The following MID1 variants were observed in gnomAD, a reference collection of about 807,000 sequenced individuals.
The protein encoded by MID1 is E3 ubiquitin-protein ligase Midline-1.
In MID1, 7 loss-of-function variants were observed where a neutral mutation model predicts 40.4. The ratio of observed to expected loss-of-function variants is 0.17; its 90% CI spans 0.10 to 0.33. The LOEUF (loss-of-function observed/expected upper bound fraction) is 0.33. Among genes scored for constraint, MID1 ranks in the 10% least tolerant of loss-of-function variants. The pLI is 1.00. For missense variants in MID1, 367 were observed against 558.5 expected (o/e 0.66, Z 3.46); for synonymous variants, 229 against 221.2 (o/e 1.04, Z -0.31).
chrX:10,825,240 A>T (rs145492464), intron 1 of MID1, among the ~76,000 whole-genome samples: 1,817 of 111,706 alleles, frequency 0.016, 43 homozygotes, highest in African/African-American at 0.056. Flanking sequence ...ATAATGCAAC[A>T]CCTGCACAAA....
At chrX:10,537,708 C>A (rs1569092433) in intron 2 of MID1, among the ~76,000 whole-genome samples, 4 of 112,220 alleles carry the variant, frequency 3.6e-5, no homozygotes, top group Non-Finnish European at 7.5e-5. Context: ...CATGTTCTAT[C>A]CAAACAATTA....
chrX:10,795,439 T>C (rs192071338), intron 1 of MID1, among the ~76,000 whole-genome samples: 147 of 112,212 alleles, frequency 1.3e-3, no homozygotes, highest in African/African-American at 4.4e-3. Context: ...AAGGCCAGGA[T>C]TGCTCTTATA....
At chrX:10,666,830 TTC>T (rs2042954106) in intron 1 of MID1, among the ~76,000 whole-genome samples, 1 of 111,762 alleles carries the variant, frequency 8.9e-6, no homozygotes, top group Non-Finnish European at 1.9e-5. Context: ...TGGCCACCTG[TTC>T]TCTGTTTCCA....
At chrX:10,467,427 T>G (rs1167418623) in intron 7 of MID1, among the ~76,000 whole-genome samples, 1 of 112,047 alleles carries the variant, frequency 8.9e-6, no homozygotes, top group Non-Finnish European at 1.9e-5. Flanking sequence ...ACTTCAAATA[T>G]CTGAGGACAC....
intron 4 of MID1, among the ~76,000 whole-genome samples, chrX:10,488,736 G>A (rs370769519): frequency 5.4e-5 from 6 of 110,577 alleles, no homozygotes; most frequent in Non-Finnish European, 1.1e-4. Context: ...TAATTGGGTG[G>A]GCACCATCTA....
At chrX:10,706,815 A>T (rs909400926) in intron 1 of MID1, among the ~76,000 whole-genome samples, 4 of 111,827 alleles carry the variant, frequency 3.6e-5, no homozygotes, top group Non-Finnish European at 7.5e-5. Flanking sequence ...CGTTCCTGAA[A>T]CTATCTCTAG....
At chrX:10,819,562 C>A (rs758554770) in intron 1 of MID1, among the ~76,000 whole-genome samples, 1 of 111,610 alleles carries the variant, frequency 9.0e-6, no homozygotes, top group East Asian at 2.8e-4. Flanking sequence ...ATTCAATAGT[C>A]AGGACCCAGA....
At chrX:10,621,703 C>T (rs933738946), upstream of MID1, among the ~76,000 whole-genome samples, 5 of 109,637 alleles carry the variant, frequency 4.6e-5, no homozygotes, top group South Asian at 4.1e-4. Context: ...TTTGGTGGTC[C>T]GATAACTGGG....
At chrX:10,487,111 T>C (rs958014293) in intron 4 of MID1, among the ~76,000 whole-genome samples, 3 of 111,945 alleles carry the variant, frequency 2.7e-5, no homozygotes, top group Non-Finnish European at 3.8e-5. Flanking sequence ...CCTCTCGCCT[T>C]GGCCTCCCAA....
intron 1 of MID1, among the ~76,000 whole-genome samples, chrX:10,782,310 T>G (rs2043852997): frequency 8.9e-6 from 1 of 111,940 alleles, no homozygotes; most frequent in East Asian, 2.8e-4. Context: ...CTGCCGCCCT[T>G]AGTTCCTCCT....
rs969915725 is a variant in MID1, at chrX:10,465,206, T to C, written c.1285+4491A>G. Reference sequence around the variant, plus strand: ...GAAATTTTATATATATATATATATATATATATATACACACACACACACACA... The same window carrying C: ...GAAATTTTATATATATATATATATACATATATATACACACACACACACACA... On this transcript the variant is annotated intron_variant, in intron 7 of 9. Transcript: ENST00000317552. 2.8e-3 allele frequency among the ~76,000 whole-genome samples: 191 copies of C among 68,677 alleles called. 3 individuals are homozygous for C. The highest frequency in any genetic ancestry group is 0.013 in the African/African-American group (175 of 13,923). The allele number at this position is 68,677 out of a possible 115,157, so 59.6% of individuals were successfully genotyped here. A position where few individuals can be genotyped will look rare whatever the true frequency, so the allele number is the denominator to read the frequency against.
intron 2 of MID1, among the ~76,000 whole-genome samples, chrX:10,533,376 GAAAA>G (rs1199629629): frequency 1.1e-3 from 35 of 32,241 alleles, no homozygotes; most frequent in African/African-American, 1.9e-3. Context: ...AAGAAAGAAA[GAAAA>G]AGAAAGAAAG....
In MID1 at chrX:10,455,080, G is replaced by T. The variant is rs1569268127; in HGVS notation, c.1448-3C>A. 8.4e-7 allele frequency: 1 copy of T among 1,194,878 alleles called. No homozygotes were observed. Among genetic ancestry groups the T allele is most frequent in the Non-Finnish European group, 1.1e-6 (1 of 880,364 alleles). ...GGGATCCAGTTTAAATGGTTGGCCT[G>T]AAAACAAATTCACAAAACAGAAAAA... is the stretch of plus-strand genomic sequence containing the variant. On this transcript the variant is annotated splice_region_variant and splice_polypyrimidine_tract_variant and intron_variant, in intron 8 of 9. Transcript: ENST00000317552.
chrX:10,738,145 T>C lies in MID1; in HGVS notation c.-187+95409A>G, dbSNP rs374602917. Among the ~76,000 whole-genome samples, 4 of 112,092 alleles carry C rather than the reference T, an allele frequency of 3.6e-5. No individual in the cohort carries two copies. In the South Asian group the frequency reaches 1.5e-3, roughly 42 times the overall value. On this transcript the variant is annotated intron_variant, in intron 1 of 10. Coordinates refer to the MID1 transcript ENST00000380785. Reference sequence around the variant, plus strand: ...GCGGTCATCCCCCTAATCACCTGGCTGCCTTTCTGATCTCTGCACAAGGGC... The same window carrying C: ...GCGGTCATCCCCCTAATCACCTGGCCGCCTTTCTGATCTCTGCACAAGGGC...
intron 1 of MID1, among the ~76,000 whole-genome samples, chrX:10,811,638 C>T (rs2044102609): frequency 9.0e-6 from 1 of 111,521 alleles, no homozygotes; most frequent in South Asian, 3.8e-4. Flanking sequence ...GAGAAATGTT[C>T]ATTGATAGTG....
At chrX:10,828,339 G>C (rs2044229460) in intron 1 of MID1, among the ~76,000 whole-genome samples, 1 of 111,446 alleles carries the variant, frequency 9.0e-6, no homozygotes, top group South Asian at 3.8e-4. Flanking sequence ...TGCTGGGGTA[G>C]GGTGTTGGTG....
chrX:10,582,781 T>A (rs1414457271), intron 1 of MID1: 1 of 111,965 alleles, frequency 8.9e-6, no homozygotes, highest in Non-Finnish European at 1.9e-5. Context: ...CAACTTCAGC[T>A]CTTCACTCTG....
chrX:10,763,514 C>T (rs748972742), intron 1 of MID1, among the ~76,000 whole-genome samples: 11 of 111,485 alleles, frequency 9.9e-5, no homozygotes, highest in Non-Finnish European at 5.6e-5. Flanking sequence ...CTTATGGCTG[C>T]GTAGTATTCC....
chrX:10,636,886 CTGTGTG>C (rs36101583), intron 1 of MID1, among the ~76,000 whole-genome samples: 7 of 89,856 alleles, frequency 7.8e-5, no homozygotes, highest in South Asian at 5.5e-4. Flanking sequence ...TCTTAAAACG[CTGTGTG>C]TGTGTGTGTG....
Sources: allele counts gnomAD v4.1 joint callset (sites outside exome capture counted in the v4.1 genomes callset), GRCh38; gene constraint gnomAD v4.1.1; transcripts MANE v1.5; gene names NCBI Gene and HGNC (gene_info 2026-07-23, HGNC 2026-07-21).